The following MASTL variants were observed in gnomAD, a reference collection of about 807,000 sequenced individuals.
The protein encoded by MASTL is serine/threonine-protein kinase greatwall.
A neutral mutation model predicts 82.5 loss-of-function variants in MASTL; 54 were observed. The ratio of observed to expected loss-of-function variants is 0.65; its 90% CI spans 0.53 to 0.82. The LOEUF is 0.82. MASTL is among the 40% of genes least tolerant of loss of function. MASTL has a pLI of 0.00. For missense variants in MASTL, 950 were observed against 1,047.8 expected (o/e 0.91, Z 1.29); for synonymous variants, 323 against 368.9 (o/e 0.88, Z 1.43).
intron 8 of MASTL, 40 bp from the exon 9 acceptor site, chr10:27,173,078 A>G (rs2058000822): frequency 6.2e-7 from 1 of 1,610,130 alleles, no homozygotes; most frequent in Middle Eastern, 1.7e-4. Flanking sequence ...TGTAAAAGGA[A>G]TTAAGATATT....
intron 3 of MASTL, among the ~76,000 whole-genome samples, chr10:27,160,848 A>C (rs2135981856): frequency 6.6e-6 from 1 of 152,314 alleles, no homozygotes; most frequent in South Asian, 2.1e-4. Flanking sequence ...TTAATGGAAT[A>C]TCTAACCAAT....
Position 27,165,555 on chromosome 10 carries a change from AAGGT to A in MASTL, c.811+20_811+23del. 2 of 1,613,572 alleles carry A rather than the reference AAGGT, an allele frequency of 1.2e-6. No individual in the cohort carries two copies. The highest frequency in any genetic ancestry group is 1.7e-6 in the Non-Finnish European group (2 of 1,179,710). On this transcript the variant is annotated intron_variant, in intron 6 of 11. Transcript: ENST00000375940. ...CTAAAATCATGTGAGTATAAAAGAA[AAGGT>A]AGGCCAGGCGCAGAGGCTTACACCT...
rs182882584 is a variant in MASTL at position 27,174,310 on chromosome 10, G to A, written c.2266+1051G>A. Among the ~76,000 whole-genome samples the A allele has an allele frequency of 2.3e-3, 344 of 151,954 alleles. 2 individuals carry two copies. Among genetic ancestry groups the A allele is most frequent in the African/African-American group, 7.7e-3 (319 of 41,432 alleles). ...GCCGAGGTTGCAGTGAGCCAAGATC[G>A]TGCCACTACACTCGAGCCTGGGCAA... On this transcript the variant is annotated intron_variant, in intron 9 of 11. Coordinates refer to ENST00000375940, the MANE Select transcript of MASTL (RefSeq NM_001172303.3).
At chr10:27,162,313 T>TAAG (rs2057595477) in intron 4 of MASTL, among the ~76,000 whole-genome samples, 1 of 152,234 alleles carries the variant, frequency 6.6e-6, no homozygotes, top group Non-Finnish European at 1.5e-5. Context: ...AAACTAGAAA[T>TAAG]TACTTAAGTT....
rs759348871 is a variant in MASTL, at chr10:27,169,931, T to C, written c.985-13T>C. ...CTTTATATAACTAAAACAAATATTT[T>C]TTTCCCTCTTAGGAAAGTGATGAAG... On this transcript the variant is annotated splice_polypyrimidine_tract_variant and intron_variant, in intron 7 of 11. Coordinates refer to ENST00000375940, the MANE Select transcript of MASTL (RefSeq NM_001172303.3). The C allele has an allele frequency of 6.2e-7, 1 of 1,613,738 alleles. No individual in the cohort carries two copies. The highest frequency in any genetic ancestry group is 1.1e-5 in the South Asian group (1 of 91,080).
chr10:27,170,136 TTC>T lies in MASTL; in HGVS notation c.1181_1182del (p.Ser394TrpfsTer14). The T allele has an allele frequency of 6.2e-7, 1 of 1,614,202 alleles. No homozygotes were observed. The highest frequency in any genetic ancestry group is 8.5e-7 in the Non-Finnish European group (1 of 1,180,032). On this transcript the variant is annotated frameshift_variant, in exon 8 of 12. Coordinates refer to ENST00000375940, the MANE Select transcript of MASTL (RefSeq NM_001172303.3). LOFTEE classifies it high-confidence loss of function. ...RSCVNLAKKCFSGEVSWEAVE... is the reference protein window; with the variant it reads ...RSCVNLAKKCXSGEVSWEAVE... ...TTGTGTAAACCTTGCTAAAAAATGCTTCTCTGGGGAAGTTTCTTGGGAAGCAG... is the reference window on the plus strand; with the variant it reads ...TTGTGTAAACCTTGCTAAAAAATGCTTCTGGGGAAGTTTCTTGGGAAGCAG...
At chr10:27,162,261 A>T (rs781353878) in intron 4 of MASTL, among the ~76,000 whole-genome samples, 7 of 152,274 alleles carry the variant, frequency 4.6e-5, no homozygotes, top group Non-Finnish European at 1.0e-4. Context: ...CAAAATACAC[A>T]TAAATGAAAT....
At chr10:27,180,824 T>C in intron 9 of MASTL, 129 bp from the exon 10 acceptor site, 1 of 718,678 alleles carries the variant, frequency 1.4e-6, no homozygotes, top group Middle Eastern at 2.6e-4. Flanking sequence ...CTGCTTTTTC[T>C]TTTTGCTTCC....
chr10:27,184,983 G>A (rs1258711837), intron 11 of MASTL, among the ~76,000 whole-genome samples: 2 of 152,210 alleles, frequency 1.3e-5, no homozygotes, highest in Non-Finnish European at 2.9e-5. Context: ...GTGATATAGA[G>A]CTTCCAATGT....
intron 6 of MASTL, 30 bp downstream of exon 6, chr10:27,165,569 G>C: frequency 6.2e-7 from 1 of 1,609,868 alleles, no homozygotes; most frequent in Non-Finnish European, 8.5e-7. Flanking sequence ...TAGGCCAGGC[G>C]CAGAGGCTTA....
At chr10:27,179,350 C>T (rs946271857) in intron 9 of MASTL, among the ~76,000 whole-genome samples, 6 of 152,048 alleles carry the variant, frequency 3.9e-5, no homozygotes, top group Non-Finnish European at 8.8e-5. Flanking sequence ...GTCAGGAGAT[C>T]GAGACCATCC....
At chr10:27,185,505 C>T (rs1273200862) in intron 11 of MASTL, among the ~76,000 whole-genome samples, 1 of 150,254 alleles carries the variant, frequency 6.7e-6, no homozygotes, top group East Asian at 2.0e-4. Flanking sequence ...TGGTGGTACA[C>T]ATCTGTAATC....
chr10:27,165,648 T>C, intron 6 of MASTL, 109 bp downstream of exon 6: 2 of 1,279,686 alleles, frequency 1.6e-6, no homozygotes, highest in Admixed American at 3.8e-5. Flanking sequence ...AGTCTTACTC[T>C]GTCATCCAGG....
At chr10:27,162,570 G>C (rs2057606559) in intron 4 of MASTL, among the ~76,000 whole-genome samples, 2 of 152,128 alleles carry the variant, frequency 1.3e-5, no homozygotes, top group South Asian at 4.1e-4. Flanking sequence ...TTAGTAGGCT[G>C]AGGCAGGAGA....
chr10:27,166,832 G>A (rs1222720568), intron 6 of MASTL, among the ~76,000 whole-genome samples: 1 of 152,060 alleles, frequency 6.6e-6, no homozygotes, highest in African/African-American at 2.4e-5. Flanking sequence ...GATTTTGTTC[G>A]GTTCTAACTT....
Position 27,187,131 on chromosome 10 carries a change from C to G in MASTL, c.*595C>G, listed in dbSNP as rs903471480. ...CCTGGCCAACATAATGAAACCCCAT[C>G]TCTACTGTAAATACACAAATTAGCC... On this transcript the variant is annotated 3_prime_UTR_variant, in exon 12 of 12. Coordinates refer to ENST00000375940, the MANE Select transcript of MASTL (RefSeq NM_001172303.3). 1.3e-5 allele frequency among the ~76,000 whole-genome samples: 2 copies of G among 152,094 alleles called. No individual in the cohort carries two copies. Among genetic ancestry groups the G allele is most frequent in the African/African-American group, 4.8e-5 (2 of 41,432 alleles).
chr10:27,185,618 C>CAAAAAA (rs34847161), intron 11 of MASTL, among the ~76,000 whole-genome samples: 2 of 98,546 alleles, frequency 2.0e-5, no homozygotes, highest in Admixed American at 1.2e-4. Context: ...AGGTGACAGA[C>CAAAAAA]AAAAAAAAAA....
Position 27,165,189 on chromosome 10 carries a change from A to C in MASTL, c.660+19A>C. The C allele has an allele frequency of 6.5e-7, 1 of 1,540,496 alleles. No individual in the cohort carries two copies. The highest frequency in any genetic ancestry group is 9.0e-7 in the Non-Finnish European group (1 of 1,113,018). Reference sequence around the variant, plus strand: ...GGGATTTGTAAGTACTTGAGAAGAAAATTAACATGACATACCCCTTCATGA... The same window carrying C: ...GGGATTTGTAAGTACTTGAGAAGAACATTAACATGACATACCCCTTCATGA... On this transcript the variant is annotated intron_variant, in intron 5 of 11. Transcript: ENST00000375940.
At chr10:27,169,003 C>T (rs788237) in intron 7 of MASTL, among the ~76,000 whole-genome samples, 21,863 of 151,874 alleles carry the variant, frequency 0.14, 1,881 homozygotes, top group Admixed American at 0.23. Flanking sequence ...ATATACAAAG[C>T]TGAGTACCCA....
Sources: allele counts gnomAD v4.1 joint callset (sites outside exome capture counted in the v4.1 genomes callset), GRCh38; gene constraint gnomAD v4.1.1; transcripts MANE v1.5; gene names NCBI Gene and HGNC (gene_info 2026-07-23, HGNC 2026-07-21).